The following TTC28 variants were observed in gnomAD, a reference collection of about 807,000 sequenced individuals.
TTC28 encodes tetratricopeptide repeat domain 28.
In TTC28, 61 loss-of-function variants were observed where a neutral mutation model predicts 198.0. The observed-to-expected ratio is 0.31, with a 90% confidence interval of 0.25 to 0.38. The LOEUF (loss-of-function observed/expected upper bound fraction) is 0.38. Among genes scored for constraint, TTC28 ranks in the 10% least tolerant of loss-of-function variants. The pLI, the probability that TTC28 is intolerant of heterozygous loss-of-function variation, is 1.00. For synonymous variants in TTC28, 1,171 were observed against 1,297.8 expected, an observed-to-expected ratio of 0.90 and a Z score of 2.10; for missense variants, 2,678 against 3,164.0, an observed-to-expected ratio of 0.85 and a Z score of 3.69.
intron 5 of TTC28, among the ~76,000 whole-genome samples, chr22:28,246,823 G>A (rs1930137089): frequency 6.6e-6 from 1 of 151,830 alleles, no homozygotes; most frequent in South Asian, 2.1e-4. Context: ...GAAGAAGGAA[G>A]ACCCAGCATC....
intron 5 of TTC28, among the ~76,000 whole-genome samples, chr22:28,234,805 T>C (rs1929109153): frequency 6.6e-6 from 1 of 152,164 alleles, no homozygotes; most frequent in Admixed American, 6.5e-5. Context: ...GTAATTGGCC[T>C]CCACTATGCC....
chr22:28,233,524 T>C (rs2147234328), intron 5 of TTC28, among the ~76,000 whole-genome samples: 1 of 152,232 alleles, frequency 6.6e-6, no homozygotes, highest in African/African-American at 2.4e-5. Context: ...TAAAATAAAA[T>C]GATAAAAAAT....
chr22:28,217,385 T>TA (rs1300294623), intron 5 of TTC28, among the ~76,000 whole-genome samples: 3 of 152,244 alleles, frequency 2.0e-5, no homozygotes, highest in Non-Finnish European at 4.4e-5. Flanking sequence ...ATATACCTAT[T>TA]ACATCAGTTC....
At chr22:28,298,429 G>A (rs2044946018) in intron 3 of TTC28, among the ~76,000 whole-genome samples, 1 of 152,164 alleles carries the variant, frequency 6.6e-6, no homozygotes, top group Admixed American at 6.5e-5. Flanking sequence ...ACAGGTGAAA[G>A]TCCCTAACAT....
chr22:28,238,222 T>C (rs1335656463), intron 5 of TTC28, among the ~76,000 whole-genome samples: 3 of 152,172 alleles, frequency 2.0e-5, no homozygotes, highest in Admixed American at 1.3e-4. Context: ...TATTCTAGTC[T>C]ACCTAATAGT....
At chr22:28,536,967 G>A (rs1372323058) in intron 2 of TTC28, among the ~76,000 whole-genome samples, 2 of 151,346 alleles carry the variant, frequency 1.3e-5, no homozygotes, top group African/African-American at 4.8e-5. Flanking sequence ...ATTATATAAT[G>A]TAGCATAATT....
Position 28,163,159 on chromosome 22 carries a change from C to T in TTC28, c.1374G>A (p.Glu458=). The T allele has an allele frequency of 3.2e-6, 5 of 1,551,762 alleles. No individual in the cohort carries two copies. Among genetic ancestry groups the T allele is most frequent in the South Asian group, 1.2e-5 (1 of 84,058 alleles). ...GATCCTCAGCAATGCCCAGCTGCTG[C>T]TCATGGTATTGTTTAGCTCTCTCCA... The part of the protein sequence containing the change: ...QDLERAKQYH[E]QQLGIAEDLK... The change falls in exon 6 of 23, where the codon GAG becomes GAA. Residue 458 remains glutamate (E), a synonymous_variant. Transcript: ENST00000397906.
intron 2 of TTC28, among the ~76,000 whole-genome samples, chr22:28,415,554 G>T (rs1027361996): frequency 6.6e-6 from 1 of 152,190 alleles, no homozygotes; most frequent in Non-Finnish European, 1.5e-5. Flanking sequence ...ATAGAATAAT[G>T]TACTGCTTGA....
rs569064824 is a variant in TTC28, at chr22:28,622,822, A to C, written c.381+6730T>G. On this transcript the variant is annotated intron_variant, in intron 2 of 22. Coordinates refer to ENST00000397906, the MANE Select transcript of TTC28 (RefSeq NM_001145418.2). ...GAATGTCTATATTAATATCAGACAA[A>C]ATAGATTTTTTTTTTTTGAGACAGA... is the stretch of plus-strand genomic sequence containing the variant. 4.0e-5 allele frequency among the ~76,000 whole-genome samples: 6 copies of C among 150,478 alleles called. 1 individual carries two copies. The highest frequency in any genetic ancestry group is 5.9e-5 in the Non-Finnish European group (4 of 67,640).
chr22:28,282,405 T>C (rs1488025614), intron 5 of TTC28, among the ~76,000 whole-genome samples: 1 of 152,232 alleles, frequency 6.6e-6, no homozygotes, highest in Admixed American at 6.5e-5. Flanking sequence ...CTGGAAGCAC[T>C]ATCCAATAGA....
chr22:28,636,127 A>ATTTTTTTTT (rs71316851), intron 1 of TTC28, among the ~76,000 whole-genome samples: 6 of 65,736 alleles, frequency 9.1e-5, no homozygotes, highest in Non-Finnish European at 1.5e-4. Context: ...AAATGTCAGG[A>ATTTTTTTTT]TTTTTTTTTT....
intron 2 of TTC28, among the ~76,000 whole-genome samples, chr22:28,419,970 G>A (rs2047222883): frequency 6.6e-6 from 1 of 152,208 alleles, no homozygotes; most frequent in South Asian, 2.1e-4. Flanking sequence ...TTTATCGGAA[G>A]TTAAACAATT....
intron 2 of TTC28, among the ~76,000 whole-genome samples, chr22:28,573,487 TAAGAG>T (rs1474511066): frequency 1.3e-5 from 2 of 151,526 alleles, no homozygotes; most frequent in Non-Finnish European, 1.5e-5. Flanking sequence ...AATAAATAAA[TAAGAG>T]AAGCAATAAA....
intron 5 of TTC28, among the ~76,000 whole-genome samples, chr22:28,238,446 C>A (rs1929414876): frequency 1.3e-5 from 2 of 152,056 alleles, no homozygotes; most frequent in South Asian, 2.1e-4. Context: ...GCTTCCAGTT[C>A]TTTTATATTC....
At chr22:28,402,840 T>C (rs544352752) in intron 2 of TTC28, among the ~76,000 whole-genome samples, 1 of 152,374 alleles carries the variant, frequency 6.6e-6, no homozygotes, top group Admixed American at 6.5e-5. Context: ...ACAACTTTTC[T>C]CCAGTAAGTC....
At chr22:28,229,916 T>TA (rs1247262692) in intron 5 of TTC28, among the ~76,000 whole-genome samples, 1 of 152,094 alleles carries the variant, frequency 6.6e-6, no homozygotes, top group Non-Finnish European at 1.5e-5. Flanking sequence ...AAAAAAAATC[T>TA]AAAAAGGGCA....
At chr22:28,323,075 A>G (rs1330226233) in intron 2 of TTC28, among the ~76,000 whole-genome samples, 1 of 152,208 alleles carries the variant, frequency 6.6e-6, no homozygotes, top group African/African-American at 2.4e-5. Context: ...AACATTTCTT[A>G]CAGGTTTCAG....
intron 2 of TTC28, among the ~76,000 whole-genome samples, chr22:28,413,468 T>G (rs2146142734): frequency 6.6e-6 from 1 of 152,098 alleles, no homozygotes; most frequent in Admixed American, 6.5e-5. Context: ...CAAAAAACAA[T>G]GTCAACTGTA....
chr22:28,534,506 G>A (rs1234013495), intron 2 of TTC28, among the ~76,000 whole-genome samples: 4 of 152,278 alleles, frequency 2.6e-5, no homozygotes, highest in Admixed American at 1.3e-4. Flanking sequence ...ACAGTGTGGC[G>A]ATTCCTCAAG....
Sources: gnomAD v4.1 joint callset for allele counts (sites outside exome capture counted in the v4.1 genomes callset) on GRCh38, gnomAD v4.1.1 for gene constraint, MANE v1.5 for transcripts, NCBI Gene and HGNC (gene_info 2026-07-23, HGNC 2026-07-21) for gene names.